GLRA3: variants seen among roughly 807,000 people sequenced by gnomAD.
GLRA3 encodes the protein glycine receptor alpha 3, also known as glycine receptor subunit alpha-3.
A neutral mutation model predicts 60.4 loss-of-function variants in GLRA3; 44 were observed. The ratio of observed to expected loss-of-function variants is 0.73; its 90% CI spans 0.57 to 0.94. The LOEUF is 0.94. GLRA3 is among the 40% of genes least tolerant of loss of function. GLRA3 has a pLI of 0.00. For synonymous variants in GLRA3, 223 were observed against 192.9 expected, an observed-to-expected ratio of 1.16 and a Z score of -1.29; for missense variants, 508 against 564.6, an observed-to-expected ratio of 0.90 and a Z score of 1.02.
rs757421740 is a variant in GLRA3 at position 174,656,806 on chromosome 4, G to T, written c.1072-19C>A. 4.7e-6 allele frequency: 7 copies of T among 1,496,564 alleles called. No individual in the cohort carries two copies. Among genetic ancestry groups the T allele is most frequent in the Non-Finnish European group, 5.6e-6 (6 of 1,073,514 alleles). 92.7% of individuals were successfully genotyped at this position (1,496,564 alleles called of 1,614,324 possible). A position where few individuals can be genotyped will look rare whatever the true frequency, so the allele number is the denominator to read the frequency against. On this transcript the variant is annotated intron_variant, in intron 8 of 9. Transcript: ENST00000274093. ...CTTCTGTCTGTGGGAAGGTAAAGTG[G>T]ACCAAGAGGAATTGAGAAACCAGAG...
At chr4:174,655,319 A>C (rs1039435856) in intron 9 of GLRA3, among the ~76,000 whole-genome samples, 3 of 152,220 alleles carry the variant, frequency 2.0e-5, no homozygotes, top group Non-Finnish European at 4.4e-5. Context: ...CAAGTCAAAG[A>C]AAACAACCAC....
intron 7 of GLRA3, among the ~76,000 whole-genome samples, chr4:174,665,168 C>T (rs1379719444): frequency 1.3e-5 from 2 of 151,596 alleles, no homozygotes; most frequent in Non-Finnish European, 1.5e-5. Flanking sequence ...GCTATATTTC[C>T]CTTCTTTTAG....
chr4:174,738,147 ACTT>A (rs1736877229), intron 3 of GLRA3, among the ~76,000 whole-genome samples: 1 of 152,202 alleles, frequency 6.6e-6, no homozygotes, highest in African/African-American at 2.4e-5. Context: ...AGAGGAATTA[ACTT>A]CTTTTAGAAA....
intron 1 of GLRA3, among the ~76,000 whole-genome samples, chr4:174,790,319 CA>C (rs1305176508): frequency 6.6e-6 from 1 of 151,968 alleles, no homozygotes; most frequent in African/African-American, 2.4e-5. Flanking sequence ...ATTGCTCAAC[CA>C]AACTGTCATT....
intron 7 of GLRA3, among the ~76,000 whole-genome samples, chr4:174,673,477 T>A (rs898831824): frequency 1.3e-5 from 2 of 152,108 alleles, no homozygotes; most frequent in Admixed American, 6.6e-5. Flanking sequence ...AATGCTGAGA[T>A]CTCAAAGAGT....
chr4:174,645,859 C>A (rs1343381026), intron 9 of GLRA3, among the ~76,000 whole-genome samples: 2 of 152,080 alleles, frequency 1.3e-5, no homozygotes, highest in Admixed American at 6.6e-5. Flanking sequence ...TAAAGTTTTC[C>A]ATATCCTACA....
At chr4:174,748,593 T>C (rs1278078545) in intron 3 of GLRA3, among the ~76,000 whole-genome samples, 1 of 152,196 alleles carries the variant, frequency 6.6e-6, no homozygotes, top group East Asian at 1.9e-4. Flanking sequence ...TAGAAAAAAT[T>C]GGGAACTAAT....
chr4:174,692,130 G>A (rs897542814), intron 5 of GLRA3, among the ~76,000 whole-genome samples: 1 of 151,936 alleles, frequency 6.6e-6, no homozygotes, highest in Non-Finnish European at 1.5e-5. Flanking sequence ...TGCCCCGTCT[G>A]AGAAGTGAGG....
At chr4:174,746,089 TC>T (rs965756032) in intron 3 of GLRA3, among the ~76,000 whole-genome samples, 4 of 152,124 alleles carry the variant, frequency 2.6e-5, no homozygotes, top group African/African-American at 9.7e-5. Flanking sequence ...AATGGAGATT[TC>T]TCAGAAAACT....
At chr4:174,697,360 C>A (rs984320574) in intron 5 of GLRA3, among the ~76,000 whole-genome samples, 2 of 152,106 alleles carry the variant, frequency 1.3e-5, no homozygotes, top group African/African-American at 4.8e-5. Flanking sequence ...AGCTGGAATT[C>A]AAAAAGCAGA....
chr4:174,740,035 GT>G (rs1431763435), intron 3 of GLRA3, among the ~76,000 whole-genome samples: 1 of 152,144 alleles, frequency 6.6e-6, no homozygotes, highest in Admixed American at 6.5e-5. Context: ...TAGAAAACCT[GT>G]TCTTAAATTC....
At chr4:174,818,083 A>G (rs903824933) in intron 1 of GLRA3, among the ~76,000 whole-genome samples, 5 of 152,206 alleles carry the variant, frequency 3.3e-5, no homozygotes, top group African/African-American at 4.8e-5. Flanking sequence ...CACTCAGTCT[A>G]TAGAAAAGTC....
At chr4:174,724,795 T>G (rs1306066077) in intron 4 of GLRA3, among the ~76,000 whole-genome samples, 1 of 152,226 alleles carries the variant, frequency 6.6e-6, no homozygotes, top group African/African-American at 2.4e-5. Context: ...GGGTACAAGA[T>G]TCTCAGATGA....
At chr4:174,712,922 CACAT>C (rs1331015753) in intron 5 of GLRA3, 1 of 151,506 alleles carries the variant, frequency 6.6e-6, no homozygotes, top group African/African-American at 2.4e-5. Context: ...TATATATACA[CACAT>C]ATGTATATAT....
chr4:174,828,297 C>T (rs1413252917), intron 1 of GLRA3, among the ~76,000 whole-genome samples: 1 of 152,052 alleles, frequency 6.6e-6, no homozygotes, highest in Non-Finnish European at 1.5e-5. Flanking sequence ...AATATAGCAA[C>T]AACATTTGGA....
intron 1 of GLRA3, among the ~76,000 whole-genome samples, chr4:174,824,359 G>T (rs1740871994): frequency 6.6e-6 from 1 of 152,110 alleles, no homozygotes; most frequent in South Asian, 2.1e-4. Flanking sequence ...ATGACTAATA[G>T]TAATTTTGAG....
At chr4:174,765,513 A>G (rs2111233977) in intron 3 of GLRA3, among the ~76,000 whole-genome samples, 1 of 152,202 alleles carries the variant, frequency 6.6e-6, no homozygotes, top group South Asian at 2.1e-4. Context: ...AAACAAAATG[A>G]GAAAATTGCC....
intron 7 of GLRA3, among the ~76,000 whole-genome samples, chr4:174,667,057 G>T (rs1733704990): frequency 6.6e-6 from 1 of 152,002 alleles, no homozygotes; most frequent in Admixed American, 6.6e-5. Context: ...ACCCTGAAAT[G>T]GTGTTGTCAT....
chr4:174,804,191 G>A (rs946318325), intron 1 of GLRA3, among the ~76,000 whole-genome samples: 1 of 152,136 alleles, frequency 6.6e-6, no homozygotes, highest in Admixed American at 6.6e-5. Context: ...GTGCTCCAGA[G>A]TTTCAGGCAG....
Sources: gnomAD v4.1 joint callset for allele counts (sites outside exome capture counted in the v4.1 genomes callset) on GRCh38, gnomAD v4.1.1 for gene constraint, MANE v1.5 for transcripts, NCBI Gene and HGNC (gene_info 2026-07-23, HGNC 2026-07-21) for gene names.